The following RGS20 variants were observed in gnomAD, a reference collection of about 807,000 sequenced individuals.
RGS20 encodes regulator of G protein signaling 20, also known as gz-selective GTPase-activating protein.
A neutral mutation model predicts 33.6 loss-of-function variants in RGS20; 30 were observed. The ratio of observed to expected loss-of-function variants is 0.89; its 90% CI spans 0.67 to 1.21. The LOEUF (loss-of-function observed/expected upper bound fraction) is 1.21. Among genes scored for constraint, RGS20 ranks in the 50% most tolerant of loss-of-function variants. The pLI, the probability that RGS20 is intolerant of heterozygous loss-of-function variation, is 0.00. For missense variants in RGS20, 472 were observed against 502.4 expected, an observed-to-expected ratio of 0.94 and a Z score of 0.58; for synonymous variants, 208 against 197.9, an observed-to-expected ratio of 1.05 and a Z score of -0.43.
chr8:53,954,397 C>T, intron 5 of RGS20, 87 bp downstream of exon 4: 1 of 873,372 alleles, frequency 1.1e-6, no homozygotes, highest in African/African-American at 1.7e-5. Flanking sequence ...GGCACAGTGG[C>T]TCACGTCTGT....
At chr8:53,931,051 C>G (rs916281177) in intron 2 of RGS20, among the ~76,000 whole-genome samples, 7 of 152,112 alleles carry the variant, frequency 4.6e-5, no homozygotes, top group South Asian at 2.1e-4. Flanking sequence ...GAAGCTGTCT[C>G]CCTGTGGTAC....
Position 53,873,391 on chromosome 8 carries a change from A to T in RGS20, c.166-5867A>T, listed in dbSNP as rs78039543. ...TGTATCCACCAAACAATCACTCCCC[A>T]TTCTCCCCTCTTCTCAGCCTCTAGT... On this transcript the variant is annotated intron_variant, in intron 1 of 5. Transcript: ENST00000297313. 5.1e-3 allele frequency among the ~76,000 whole-genome samples: 771 copies of T among 152,066 alleles called. 2 individuals are homozygous for T. The highest frequency in any genetic ancestry group is 9.0e-3 in the Non-Finnish European group (609 of 67,978).
intron 1 of RGS20, among the ~76,000 whole-genome samples, chr8:53,870,700 G>T (rs1008351907): frequency 1.1e-4 from 16 of 151,816 alleles, no homozygotes; most frequent in African/African-American, 3.9e-4. Context: ...TGGCTGTGTC[G>T]GTGGCTTTGA....
intron 1 of RGS20, among the ~76,000 whole-genome samples, chr8:53,866,007 A>G (rs544210937): frequency 4.6e-5 from 7 of 152,324 alleles, no homozygotes; most frequent in African/African-American, 9.6e-5. Flanking sequence ...AATACAGAGC[A>G]TGCAGGCAAC....
At chr8:53,863,843 CAGCCTCCCA>C (rs1382577019) in intron 1 of RGS20, among the ~76,000 whole-genome samples, 1 of 150,866 alleles carries the variant, frequency 6.6e-6, no homozygotes, top group Non-Finnish European at 1.5e-5. Context: ...TCTCCTGTCT[CAGCCTCCCA>C]AGTACCTGGG....
intron 2 of RGS20, among the ~76,000 whole-genome samples, chr8:53,884,716 T>A (rs577798453): frequency 6.6e-6 from 1 of 152,308 alleles, no homozygotes; most frequent in East Asian, 1.9e-4. Context: ...ATTAATGAAC[T>A]GTTAACAGAT....
chr8:53,929,711 G>A (rs1813901437), intron 2 of RGS20, among the ~76,000 whole-genome samples: 1 of 152,074 alleles, frequency 6.6e-6, no homozygotes, highest in African/African-American at 2.4e-5. Flanking sequence ...AGTTACCTTT[G>A]ACTTCTAATG....
intron 3 of RGS20, among the ~76,000 whole-genome samples, chr8:53,943,817 A>C (rs895722316): frequency 1.3e-5 from 2 of 152,168 alleles, no homozygotes; most frequent in Admixed American, 6.6e-5. Context: ...CTTACAAAAG[A>C]AGCCTCGGAA....
chr8:53,942,697 CAAAT>C (rs1563423211), intron 3 of RGS20, among the ~76,000 whole-genome samples: 1 of 151,672 alleles, frequency 6.6e-6, no homozygotes, highest in African/African-American at 2.4e-5. Flanking sequence ...CAAAACTAAA[CAAAT>C]AAATAAGTTA....
At chr8:53,872,215 A>C (rs1441836154) in intron 1 of RGS20, among the ~76,000 whole-genome samples, 2 of 152,112 alleles carry the variant, frequency 1.3e-5, no homozygotes, top group African/African-American at 4.8e-5. Flanking sequence ...TTATGTTTTT[A>C]TTTACATGAC....
chr8:53,946,106 T>C (rs1184515860), intron 3 of RGS20, among the ~76,000 whole-genome samples: 1 of 152,244 alleles, frequency 6.6e-6, no homozygotes, highest in Non-Finnish European at 1.5e-5. Flanking sequence ...CCTATAAATA[T>C]ATGAAGCCTC....
chr8:53,917,545 C>T (rs1221488732), intron 2 of RGS20, among the ~76,000 whole-genome samples: 1 of 152,238 alleles, frequency 6.6e-6, no homozygotes, highest in Non-Finnish European at 1.5e-5. Flanking sequence ...TAACTCTACA[C>T]TCCCTTACTC....
At chr8:53,951,141 T>G (rs983832040) in intron 4 of RGS20, among the ~76,000 whole-genome samples, 5 of 152,202 alleles carry the variant, frequency 3.3e-5, no homozygotes, top group African/African-American at 9.7e-5. Context: ...GATTGCCACA[T>G]TCCTTTCTTA....
At chr8:53,856,125 A>C (rs988079850) in intron 1 of RGS20, among the ~76,000 whole-genome samples, 9 of 152,176 alleles carry the variant, frequency 5.9e-5, no homozygotes, top group African/African-American at 1.9e-4. Flanking sequence ...AACATGGGCC[A>C]CTAATTTACT....
At chr8:53,948,414 C>T (rs62651849) in intron 4 of RGS20, among the ~76,000 whole-genome samples, 32,211 of 132,252 alleles carry the variant, frequency 0.24, 4,360 homozygotes, top group African/African-American at 0.31. Flanking sequence ...TATATATTTA[C>T]ATATGCTATA....
intron 1 of RGS20, among the ~76,000 whole-genome samples, chr8:53,871,621 A>T (rs1172534600): frequency 2.8e-5 from 4 of 143,372 alleles, no homozygotes; most frequent in African/African-American, 1.2e-4. Context: ...CATCTCAAAA[A>T]AAAAATAATA....
intron 1 of RGS20, among the ~76,000 whole-genome samples, chr8:53,874,419 C>T (rs1445390722): frequency 5.3e-5 from 8 of 150,578 alleles, no homozygotes; most frequent in Middle Eastern, 3.4e-3. Flanking sequence ...CGTGTGCTTG[C>T]GTGCATCTGT....
At chr8:53,919,315 AT>A (rs1165208369) in intron 2 of RGS20, among the ~76,000 whole-genome samples, 2 of 144,744 alleles carry the variant, frequency 1.4e-5, no homozygotes, top group Non-Finnish European at 3.0e-5. Context: ...ACTTCCATAT[AT>A]TTTTTCCCAC....
Position 53,877,214 on chromosome 8 carries a change from TG to T in RGS20, c.166-2041del, listed in dbSNP as rs1419533011. Among the ~76,000 whole-genome samples, 2 of 152,290 alleles carry T rather than the reference TG, an allele frequency of 1.3e-5. No homozygotes were observed. Among genetic ancestry groups the T allele is most frequent in the Admixed American group, 1.3e-4 (2 of 15,300 alleles). On this transcript the variant is annotated intron_variant, in intron 1 of 5. Coordinates refer to ENST00000297313, the MANE Select transcript of RGS20 (RefSeq NM_170587.4). This position sits in a 1 kb window ranked among gnomAD's most constrained non-coding sequence, Gnocchi z 5.7. ...TGCGTAGGGTCGGGAAGGCCGTGGG[TG>T]GGCTCAGTCAGGCTTTAGGTCGCCA... is the stretch of plus-strand genomic sequence containing the variant.
Sources: allele counts gnomAD v4.1 joint callset (sites outside exome capture counted in the v4.1 genomes callset), GRCh38; gene constraint gnomAD v4.1.1; non-coding constraint Gnocchi (gnomAD v3.1); transcripts MANE v1.5; gene names NCBI Gene and HGNC (gene_info 2026-07-23, HGNC 2026-07-21).